The following AK8 variants were observed in gnomAD, a reference collection of about 807,000 sequenced individuals.
AK8 encodes the protein ATP-AMP transphosphorylase 8.
A neutral mutation model predicts 54.6 loss-of-function variants in AK8; 44 were observed. The observed-to-expected ratio is 0.81, with a 90% confidence interval of 0.63 to 1.04. AK8 has a LOEUF of 1.04. Among genes scored for constraint, AK8 ranks in the 50% least tolerant of loss-of-function variants. AK8 has a pLI of 0.00. For missense variants in AK8, 555 were observed against 613.6 expected (o/e 0.90, Z 1.01); for synonymous variants, 239 against 245.6 (o/e 0.97, Z 0.25).
At chr9:132,745,751 A>G (rs1837620408) in intron 11 of AK8, among the ~76,000 whole-genome samples, 4 of 152,110 alleles carry the variant, frequency 2.6e-5, no homozygotes, top group Admixed American at 6.5e-5. Context: ...CCCTCAAGAC[A>G]GTCCACCTGA....
rs1840634241 is a variant in AK8, at chr9:132,804,686, A to G, written c.979+9952T>C. Among the ~76,000 whole-genome samples the G allele has an allele frequency of 2.0e-5, 3 of 152,238 alleles. No homozygotes were observed. The South Asian group carries it at 6.2e-4, about 32-fold the overall frequency. On this transcript the variant is annotated intron_variant, in intron 10 of 12. Transcript: ENST00000298545. ...TGTCGGGTGTGCCCTTGTCACCCAGAGCAGCAGCGACAGGTGTGAAGCTGC... is the reference window on the plus strand; with the variant it reads ...TGTCGGGTGTGCCCTTGTCACCCAGGGCAGCAGCGACAGGTGTGAAGCTGC...
At chr9:132,729,002 C>T (rs1836701950) in intron 11 of AK8, among the ~76,000 whole-genome samples, 1 of 152,036 alleles carries the variant, frequency 6.6e-6, no homozygotes, top group Non-Finnish European at 1.5e-5. Flanking sequence ...CCCATCTCAG[C>T]ATCCTGAGTA....
chr9:132,755,084 C>A (rs1406908543), intron 11 of AK8, among the ~76,000 whole-genome samples: 1 of 152,222 alleles, frequency 6.6e-6, no homozygotes, highest in African/African-American at 2.4e-5. Context: ...CAGGCATGAG[C>A]CACCGTGCCC....
chr9:132,823,842 G>A (rs1841761665), intron 8 of AK8, among the ~76,000 whole-genome samples: 1 of 152,262 alleles, frequency 6.6e-6, no homozygotes, highest in Non-Finnish European at 1.5e-5. Flanking sequence ...CCAGCCACAT[G>A]GGGGCCCAGT....
At chr9:132,834,796 T>G (rs1221720443) in intron 5 of AK8, among the ~76,000 whole-genome samples, 1 of 152,114 alleles carries the variant, frequency 6.6e-6, no homozygotes, top group African/African-American at 2.4e-5. Context: ...CTCCTAGATG[T>G]GCAGCCTACA....
chr9:132,810,484 C>T (rs1276639435), intron 10 of AK8, among the ~76,000 whole-genome samples: 1 of 152,168 alleles, frequency 6.6e-6, no homozygotes, highest in Non-Finnish European at 1.5e-5. Context: ...AGTTGACGTG[C>T]TTTGATTCAA....
chr9:132,849,304 A>T (rs539052672), intron 5 of AK8, among the ~76,000 whole-genome samples: 1 of 152,324 alleles, frequency 6.6e-6, no homozygotes, highest in South Asian at 2.1e-4. Context: ...GGCAAGCTAC[A>T]GCCCGCGGGC....
intron 11 of AK8, among the ~76,000 whole-genome samples, chr9:132,792,419 AG>A (rs1839981031): frequency 2.6e-5 from 4 of 152,230 alleles, no homozygotes; most frequent in Non-Finnish European, 5.9e-5. Context: ...TTTACAGATG[AG>A]GGTCCATCAA....
At chr9:132,750,051 G>A (rs1030078891) in intron 11 of AK8, among the ~76,000 whole-genome samples, 5 of 148,702 alleles carry the variant, frequency 3.4e-5, no homozygotes, top group Admixed American at 1.3e-4. Context: ...CCATGTGTAC[G>A]CATCTTGGGG....
At chr9:132,831,031 T>C (rs1842081186) in intron 5 of AK8, among the ~76,000 whole-genome samples, 1 of 152,226 alleles carries the variant, frequency 6.6e-6, no homozygotes, top group East Asian at 1.9e-4. Flanking sequence ...CACAATACAG[T>C]CTATCTTTTC....
In AK8 at chr9:132,770,694, C is replaced by CG. The variant is rs1564392780; in HGVS notation, c.1121+21939dup. Among the ~76,000 whole-genome samples, 1 of 152,164 alleles carries CG rather than the reference C, an allele frequency of 6.6e-6. No homozygotes were observed. Among genetic ancestry groups the CG allele is most frequent in the Non-Finnish European group, 1.5e-5 (1 of 68,006 alleles). On this transcript the variant is annotated intron_variant, in intron 11 of 12. Transcript: ENST00000298545. The surrounding 1 kb of genome is among the most constrained non-coding windows in gnomAD (Gnocchi z 4.3). ...GAGACCGGGACAAGGCAGGGAAGAG[C>CG]GGGATGGGTCGGCCCCTTCAAGGGG...
At chr9:132,744,140 A>G (rs1590183675) in intron 11 of AK8, among the ~76,000 whole-genome samples, 1 of 151,866 alleles carries the variant, frequency 6.6e-6, no homozygotes. Flanking sequence ...GCCGGCTCAC[A>G]CCCTCCAGTG....
chr9:132,854,738 C>T (rs749784148), intron 5 of AK8, 119 bp downstream of exon 5: 14 of 1,081,662 alleles, frequency 1.3e-5, no homozygotes, highest in Middle Eastern at 2.0e-4. Context: ...ACGGAGTTCC[C>T]GTTTGCCTGC....
chr9:132,828,626 A>ACC lies in AK8; in HGVS notation c.484+17_484+18dup. The ACC allele has an allele frequency of 1.2e-6, 2 of 1,604,388 alleles. No individual in the cohort carries two copies. Among genetic ancestry groups the ACC allele is most frequent in the Non-Finnish European group, 1.7e-6 (2 of 1,175,614 alleles). On this transcript the variant is annotated intron_variant, in intron 6 of 12. Transcript: ENST00000298545. The stretch of plus-strand genomic sequence containing the variant: ...GGGCTGCAGCTCTGGCAGGTGGGGG[A>ACC]CCCTTGGGAGCTACTCACTGACGTG...
rs1324674871 is a variant in AK8 at position 132,799,126 on chromosome 9, C to T, written c.980-6351G>A. Among the ~76,000 whole-genome samples the T allele has an allele frequency of 6.6e-6, 1 of 152,164 alleles. No individual in the cohort carries two copies. The highest frequency in any genetic ancestry group is 1.9e-4 in the East Asian group (1 of 5,192). On this transcript the variant is annotated intron_variant, in intron 10 of 12. Coordinates refer to ENST00000298545, the MANE Select transcript of AK8 (RefSeq NM_152572.3). This position sits in a 1 kb window ranked among gnomAD's most constrained non-coding sequence, Gnocchi z 5.0. Reference sequence around the variant, plus strand: ...CGGAGAGAGCACCCAGGCCAGCTTGCGGTTTTCCAGCAGGCACCAGAGGCC... The same window carrying T: ...CGGAGAGAGCACCCAGGCCAGCTTGTGGTTTTCCAGCAGGCACCAGAGGCC...
chr9:132,756,427 C>T (rs1203205550), intron 11 of AK8, among the ~76,000 whole-genome samples: 2 of 152,220 alleles, frequency 1.3e-5, no homozygotes, highest in Non-Finnish European at 2.9e-5. Flanking sequence ...AGAGGGAGGG[C>T]GCCTGCAACC....
At chr9:132,821,798 CATAT>C (rs1491319962) in intron 9 of AK8, among the ~76,000 whole-genome samples, 3 of 114,958 alleles carry the variant, frequency 2.6e-5, no homozygotes, top group Non-Finnish European at 5.5e-5. Context: ...CAAATATATA[CATAT>C]ATGTGTATGT....
In AK8 at chr9:132,792,631, C is replaced by T. The variant is rs1167828135; in HGVS notation, c.1121+3G>A. On this transcript the variant is annotated splice_donor_region_variant and intron_variant, in intron 11 of 12. Coordinates refer to ENST00000298545, the MANE Select transcript of AK8 (RefSeq NM_152572.3). Reference sequence around the variant, plus strand: ...GGCTGCTGGCTTGGCTGGGGCAGCTCACCTGTTGGGATTGTAGCCCAGGCG... The same window carrying T: ...GGCTGCTGGCTTGGCTGGGGCAGCTTACCTGTTGGGATTGTAGCCCAGGCG... The T allele has an allele frequency of 1.9e-6, 3 of 1,551,256 alleles. No individual in the cohort carries two copies. In the South Asian group the frequency reaches 3.6e-5, roughly 18 times the overall value.
chr9:132,746,558 T>C (rs563025468), intron 11 of AK8, among the ~76,000 whole-genome samples: 10 of 152,344 alleles, frequency 6.6e-5, no homozygotes, highest in African/African-American at 2.2e-4. Context: ...GCCAATACTA[T>C]TATCACATGC....
Sources: gnomAD v4.1 joint callset for allele counts (sites outside exome capture counted in the v4.1 genomes callset) on GRCh38, gnomAD v4.1.1 for gene constraint, Gnocchi (gnomAD v3.1) non-coding constraint, MANE v1.5 for transcripts, NCBI Gene and HGNC (gene_info 2026-07-23, HGNC 2026-07-21) for gene names.